The following TNR variants were observed in gnomAD, a reference collection of about 807,000 sequenced individuals.
TNR encodes the protein tenascin R.
Under a neutral mutation model 150.4 loss-of-function variants are expected in TNR, and 45 were observed. The observed-to-expected ratio is 0.30, with a 90% CI of 0.24 to 0.38. The LOEUF is 0.38. Among genes scored for constraint, TNR ranks in the 10% least tolerant of loss-of-function variants. TNR has a pLI of 1.00. For synonymous variants in TNR, 687 were observed against 678.4 expected, an observed-to-expected ratio of 1.01 and a Z score of -0.20; for missense variants, 1,544 against 1,759.1, an observed-to-expected ratio of 0.88 and a Z score of 2.19.
At chr1:175,587,801 C>T (rs1327099546) in intron 1 of TNR, among the ~76,000 whole-genome samples, 1 of 152,170 alleles carries the variant, frequency 6.6e-6, no homozygotes, top group Non-Finnish European at 1.5e-5. Context: ...TTGAAAAGCA[C>T]TGGACAAGAA....
At chr1:175,575,534 A>T (rs1346194134) in intron 1 of TNR, among the ~76,000 whole-genome samples, 1 of 152,194 alleles carries the variant, frequency 6.6e-6, no homozygotes, top group East Asian at 1.9e-4. Flanking sequence ...TAGCACATAG[A>T]CACCCAATAA....
At chr1:175,657,853 G>GTGTATATATATA (rs1316571004) in intron 1 of TNR, among the ~76,000 whole-genome samples, 1 of 70,460 alleles carries the variant, frequency 1.4e-5, no homozygotes, top group Non-Finnish European at 2.8e-5. Context: ...CATGGAACAT[G>GTGTATATATATA]TATATATATA....
chr1:175,492,523 C>A (rs1658301935), intron 2 of TNR, among the ~76,000 whole-genome samples: 1 of 152,192 alleles, frequency 6.6e-6, no homozygotes, highest in Non-Finnish European at 1.5e-5. Context: ...TGATGAGAAG[C>A]ATACACCTAG....
chr1:175,420,476 C>G (rs955695374), intron 2 of TNR, among the ~76,000 whole-genome samples: 4 of 152,234 alleles, frequency 2.6e-5, no homozygotes, highest in Non-Finnish European at 5.9e-5. Context: ...ATTTTAACAA[C>G]AGCCTTCAAC....
chr1:175,656,044 G>A (rs531604269), intron 1 of TNR, among the ~76,000 whole-genome samples: 1 of 152,168 alleles, frequency 6.6e-6, no homozygotes, highest in Non-Finnish European at 1.5e-5. Flanking sequence ...GGAAGGGGCA[G>A]TGGCACACTG....
At chr1:175,375,924 A>T (rs1652355275) in intron 9 of TNR, among the ~76,000 whole-genome samples, 1 of 152,240 alleles carries the variant, frequency 6.6e-6, no homozygotes, top group East Asian at 1.9e-4. Flanking sequence ...TGAGGTAGAT[A>T]GGATGTCTTT....
chr1:175,587,641 T>C (rs1662626582), intron 1 of TNR, among the ~76,000 whole-genome samples: 1 of 152,254 alleles, frequency 6.6e-6, no homozygotes, highest in African/African-American at 2.4e-5. Context: ...TTCTTAATTC[T>C]GGCTACACAA....
intron 2 of TNR, among the ~76,000 whole-genome samples, chr1:175,492,864 A>T (rs1377658598): frequency 1.3e-5 from 2 of 152,184 alleles, no homozygotes. Flanking sequence ...ATCAAAAGTT[A>T]AAAACAAAAT....
chr1:175,559,953 T>A (rs1459770104), intron 1 of TNR, among the ~76,000 whole-genome samples: 1 of 152,210 alleles, frequency 6.6e-6, no homozygotes, highest in East Asian at 1.9e-4. Flanking sequence ...TCAGGAACAC[T>A]GGTCCAGGGA....
At chr1:175,702,382 G>T (rs1666722357) in intron 1 of TNR, among the ~76,000 whole-genome samples, 1 of 152,186 alleles carries the variant, frequency 6.6e-6, no homozygotes. Context: ...GTGCTCCAAA[G>T]AAAGAGAGTC....
intron 4 of TNR, among the ~76,000 whole-genome samples, chr1:175,398,661 G>A (rs574236139): frequency 1.6e-3 from 236 of 152,244 alleles, no homozygotes; most frequent in Non-Finnish European, 2.9e-3. Flanking sequence ...TGGGATTAAG[G>A]TATCATTATT....
intron 2 of TNR, among the ~76,000 whole-genome samples, chr1:175,451,327 C>T (rs189190505): frequency 6.6e-6 from 1 of 152,066 alleles, no homozygotes; most frequent in East Asian, 1.9e-4. Context: ...CCCATTAACT[C>T]GTCATTTACA....
intron 2 of TNR, among the ~76,000 whole-genome samples, chr1:175,432,375 A>G (rs1467304238): frequency 6.6e-6 from 1 of 152,190 alleles, no homozygotes; most frequent in Non-Finnish European, 1.5e-5. Flanking sequence ...AGCACCAAGG[A>G]ATACACAGAA....
intron 1 of TNR, among the ~76,000 whole-genome samples, chr1:175,666,521 G>C (rs970138782): frequency 9.8e-5 from 15 of 152,304 alleles, no homozygotes; most frequent in South Asian, 8.3e-4. Flanking sequence ...CTCAGGTGCT[G>C]AAGCCTCTAG....
intron 1 of TNR, among the ~76,000 whole-genome samples, chr1:175,653,842 G>A (rs1010061774): frequency 3.3e-5 from 5 of 151,854 alleles, no homozygotes; most frequent in African/African-American, 1.2e-4. Context: ...CTTGAATGTG[G>A]GTTTTGTTAG....
intron 17 of TNR, 133 bp from the exon 18 acceptor site, chr1:175,354,656 C>T (rs1228756882): frequency 3.4e-6 from 4 of 1,189,116 alleles, no homozygotes; most frequent in Middle Eastern, 2.0e-4. Context: ...CCTCTCCATC[C>T]CACAATAAGG....
In TNR at chr1:175,396,825, A is replaced by G; in HGVS notation, c.977-18T>C. ...AGGGGCAACTACCGGGAGGCAATAC[A>G]CAGATAGCATGAGCTCAGAGGATTG... On this transcript the variant is annotated intron_variant, in intron 4 of 22. Transcript: ENST00000367674. 3 of 1,607,190 alleles carry G rather than the reference A, an allele frequency of 1.9e-6. No individual in the cohort carries two copies. In the East Asian group the frequency reaches 6.7e-5, roughly 36 times the overall value.
chr1:175,647,435 C>CAAAAAAAAAAAAAAAAAAAAAAAAAAA (rs397745737), intron 1 of TNR, among the ~76,000 whole-genome samples: 25 of 121,642 alleles, frequency 2.1e-4, no homozygotes, highest in African/African-American at 7.6e-4. Context: ...CTATTCGGTG[C>CAAAAAAAAAAAAAAAAAAAAAAAAAAA]AAAAAAAAAA....
At chr1:175,357,946 G>A (rs568242147) in intron 15 of TNR, among the ~76,000 whole-genome samples, 1 of 152,348 alleles carries the variant, frequency 6.6e-6, no homozygotes, top group South Asian at 2.1e-4. Context: ...TTAGAGCTGT[G>A]TGTTTAGTGT....
Sources: allele counts gnomAD v4.1 joint callset (sites outside exome capture counted in the v4.1 genomes callset), GRCh38; gene constraint gnomAD v4.1.1; transcripts MANE v1.5; gene names NCBI Gene and HGNC (gene_info 2026-07-23, HGNC 2026-07-21).